ADAM32: variants seen among roughly 807,000 people sequenced by gnomAD.
ADAM32 encodes disintegrin and metalloproteinase domain-containing protein 32.
A neutral mutation model predicts 114.9 loss-of-function variants in ADAM32; 89 were observed. The ratio of observed to expected loss-of-function variants is 0.77; its 90% CI spans 0.65 to 0.92. ADAM32 has a LOEUF of 0.92. Among genes scored for constraint, ADAM32 ranks in the 40% least tolerant of loss-of-function variants. The pLI is 0.00. For missense variants in ADAM32, 870 were observed against 932.8 expected, an observed-to-expected ratio of 0.93 and a Z score of 0.88; for synonymous variants, 285 against 307.5, an observed-to-expected ratio of 0.93 and a Z score of 0.77.
chr8:39,175,513 C>A (rs542248002), intron 10 of ADAM32, among the ~76,000 whole-genome samples: 17 of 152,146 alleles, frequency 1.1e-4, no homozygotes, highest in Non-Finnish European at 2.2e-4. Context: ...AACCTTGCAT[C>A]CTGGGGACGA....
chr8:39,214,277 T>TGCTGG, intron 12 of ADAM32, among the ~76,000 whole-genome samples: 5 of 152,186 alleles, frequency 3.3e-5, no homozygotes, highest in Non-Finnish European at 5.9e-5. Flanking sequence ...TTATACATAG[T>TGCTGG]GATTGTACTA....
chr8:39,209,372 G>C (rs1265467466), intron 11 of ADAM32, among the ~76,000 whole-genome samples: 1 of 151,878 alleles, frequency 6.6e-6, no homozygotes, highest in Non-Finnish European at 1.5e-5. Flanking sequence ...TTAATTTTCT[G>C]AATTGTTTCT....
chr8:39,270,556 G>T (rs1028971931), intron 19 of ADAM32, among the ~76,000 whole-genome samples: 14 of 152,258 alleles, frequency 9.2e-5, no homozygotes, highest in South Asian at 6.2e-4. Context: ...CCAAAAGTTG[G>T]ATTATGAAGG....
chr8:39,107,975 C>T, intron 1 of ADAM32, 142 bp downstream of exon 1: 1 of 1,181,548 alleles, frequency 8.5e-7, no homozygotes, highest in African/African-American at 1.6e-5. Flanking sequence ...GGATTAGGCG[C>T]CCCGTCCGGA....
intron 6 of ADAM32, among the ~76,000 whole-genome samples, chr8:39,153,767 C>T (rs1219721300): frequency 6.6e-6 from 1 of 152,152 alleles, no homozygotes; most frequent in Non-Finnish European, 1.5e-5. Flanking sequence ...AAATTATCTA[C>T]ATATAAATCC....
At chr8:39,220,843 T>G (rs187906927) in intron 12 of ADAM32, 2 of 152,030 alleles carry the variant, frequency 1.3e-5, no homozygotes, top group Admixed American at 1.3e-4. Flanking sequence ...TATGGTCTAT[T>G]CTGAAGAATG....
chr8:39,257,357 G>A lies in ADAM32; in HGVS notation c.2162+14G>A. On this transcript the variant is annotated intron_variant, in intron 19 of 24. Transcript: ENST00000379907. ...CCCAAGTAGCGAGTAAATTGCATTT[G>A]TGTTCTGAAGTTAAACATTAGTACC... The A allele has an allele frequency of 6.2e-7, 1 of 1,612,498 alleles. No homozygotes were observed.
At chr8:39,140,496 A>T (rs1585384848) in intron 3 of ADAM32, among the ~76,000 whole-genome samples, 1 of 152,176 alleles carries the variant, frequency 6.6e-6, no homozygotes, top group East Asian at 1.9e-4. Flanking sequence ...CATCCCAGGG[A>T]TGAAGCTGAG....
chr8:39,279,823 C>T (rs1018077748), intron 22 of ADAM32, among the ~76,000 whole-genome samples: 2 of 152,108 alleles, frequency 1.3e-5, no homozygotes, highest in South Asian at 2.1e-4. Flanking sequence ...TTGATAAGCC[C>T]ACCCTCAAGG....
At chr8:39,161,112 T>G (rs1248216943) in intron 7 of ADAM32, 147 bp downstream of exon 7, 1 of 704,632 alleles carries the variant, frequency 1.4e-6, no homozygotes, top group Admixed American at 3.7e-5. Flanking sequence ...ACTGAGAAAC[T>G]AAATAGTCAA....
chr8:39,277,284 C>T (rs901844642), intron 22 of ADAM32, among the ~76,000 whole-genome samples: 2 of 152,320 alleles, frequency 1.3e-5, no homozygotes, highest in East Asian at 3.9e-4. Flanking sequence ...CAATGTTAAA[C>T]CACTGGTCTA....
rs760579788 is a variant in ADAM32, at chr8:39,270,864, AT to A, written c.2163-9del. 1.9e-6 allele frequency: 3 copies of A among 1,600,928 alleles called. No individual in the cohort carries two copies. The highest frequency in any genetic ancestry group is 2.6e-6 in the Non-Finnish European group (3 of 1,171,158). On this transcript the variant is annotated splice_polypyrimidine_tract_variant and intron_variant, in intron 19 of 24. Transcript: ENST00000379907. The stretch of plus-strand genomic sequence containing the variant: ...TAAGTACTAACATGAGACATTTTCA[AT>A]TTCTTTTTAGATCTAAATCGGAAGG...
intron 19 of ADAM32, among the ~76,000 whole-genome samples, chr8:39,268,998 A>ATAAATGGT (rs370601168): frequency 0.012 from 1,770 of 152,294 alleles, 13 homozygotes; most frequent in Non-Finnish European, 0.018. Flanking sequence ...TTCATTTTGG[A>ATAAATGGT]TAAATGGTTT....
intron 2 of ADAM32, among the ~76,000 whole-genome samples, chr8:39,119,046 C>A (rs972740737): frequency 6.6e-6 from 1 of 152,158 alleles, no homozygotes; most frequent in Non-Finnish European, 1.5e-5. Flanking sequence ...TTAGGATTAT[C>A]CATTTTGTAG....
At chr8:39,241,021 G>T in intron 16 of ADAM32, among the ~76,000 whole-genome samples, 1 of 152,132 alleles carries the variant, frequency 6.6e-6, no homozygotes. Flanking sequence ...ATACAATAGG[G>T]GTATAGGTAT....
chr8:39,197,607 A>G (rs1807096621), intron 11 of ADAM32, among the ~76,000 whole-genome samples: 1 of 151,990 alleles, frequency 6.6e-6, no homozygotes, highest in African/African-American at 2.4e-5. Context: ...TTTACCTTTC[A>G]TGTATTTGTA....
At chr8:39,203,558 A>T (rs895628792) in intron 11 of ADAM32, among the ~76,000 whole-genome samples, 5 of 152,138 alleles carry the variant, frequency 3.3e-5, no homozygotes, top group African/African-American at 1.2e-4. Context: ...TGAATACAGC[A>T]CACTGATGGG....
At chr8:39,222,734 A>T (rs1477617352) in intron 13 of ADAM32, among the ~76,000 whole-genome samples, 3 of 152,126 alleles carry the variant, frequency 2.0e-5, no homozygotes, top group Non-Finnish European at 4.4e-5. Context: ...CACCCAAAAG[A>T]AATAAATTTC....
intron 3 of ADAM32, among the ~76,000 whole-genome samples, chr8:39,143,430 C>A (rs1372152771): frequency 1.3e-5 from 2 of 152,050 alleles, no homozygotes; most frequent in East Asian, 3.9e-4. Flanking sequence ...GATGCTATTC[C>A]TTTCTGTTTG....
Sources: gnomAD v4.1 joint callset for allele counts (sites outside exome capture counted in the v4.1 genomes callset) on GRCh38, gnomAD v4.1.1 for gene constraint, MANE v1.5 for transcripts, NCBI Gene and HGNC (gene_info 2026-07-23, HGNC 2026-07-21) for gene names.